Variants in SLC10A7 observed in about 807,000 individuals in gnomAD.
SLC10A7 encodes the protein solute carrier family 10 member 7.
A neutral mutation model predicts 43.2 loss-of-function variants in SLC10A7; 29 were observed. That is an observed-to-expected ratio of 0.67 (90% CI 0.50 to 0.92). The LOEUF (loss-of-function observed/expected upper bound fraction) is 0.92. SLC10A7 is among the 40% of genes least tolerant of loss of function. The pLI is 0.00. For synonymous variants in SLC10A7, 152 were observed against 144.8 expected (o/e 1.05, Z -0.35); for missense variants, 295 against 403.2 (o/e 0.73, Z 2.30).
At chr4:146,314,875 G>A (rs1385788186) in intron 6 of SLC10A7, among the ~76,000 whole-genome samples, 1 of 152,022 alleles carries the variant, frequency 6.6e-6, no homozygotes, top group Non-Finnish European at 1.5e-5. Context: ...CAGAATTTGG[G>A]GGCTTGAGCT....
intron 4 of SLC10A7, among the ~76,000 whole-genome samples, chr4:146,454,601 A>T (rs1731891765): frequency 6.6e-6 from 1 of 151,898 alleles, no homozygotes; most frequent in African/African-American, 2.4e-5. Context: ...AAATGGAATT[A>T]TGAATATTTT....
At chr4:146,329,225 G>C (rs1163613894) in intron 5 of SLC10A7, among the ~76,000 whole-genome samples, 1 of 152,190 alleles carries the variant, frequency 6.6e-6, no homozygotes, top group Non-Finnish European at 1.5e-5. Context: ...AAGAATAGCT[G>C]TTCAGGTTCA....
intron 5 of SLC10A7, among the ~76,000 whole-genome samples, chr4:146,406,003 T>G (rs1437739289): frequency 6.6e-6 from 1 of 152,170 alleles, no homozygotes; most frequent in Admixed American, 6.5e-5. Context: ...CTGTAAAGCA[T>G]TTGCATAGCA....
At chr4:146,492,089 G>A (rs1228383453) in intron 4 of SLC10A7, among the ~76,000 whole-genome samples, 3 of 151,942 alleles carry the variant, frequency 2.0e-5, no homozygotes, top group Non-Finnish European at 2.9e-5. Context: ...GCGTGGTGGC[G>A]GGCGCCTGTA....
intron 4 of SLC10A7, among the ~76,000 whole-genome samples, chr4:146,455,492 T>C (rs149327619): frequency 1.6e-3 from 238 of 152,026 alleles, no homozygotes; most frequent in African/African-American, 5.6e-3. Flanking sequence ...TCTAGCTTTC[T>C]TAACTCTGTT....
At chr4:146,337,786 G>A (rs1360104594) in intron 5 of SLC10A7, among the ~76,000 whole-genome samples, 2 of 151,824 alleles carry the variant, frequency 1.3e-5, no homozygotes, top group Non-Finnish European at 1.5e-5. Context: ...GAGAGATCAG[G>A]AGATGGTCTG....
intron 10 of SLC10A7, among the ~76,000 whole-genome samples, chr4:146,272,730 G>A (rs1340622713): frequency 6.6e-6 from 1 of 152,182 alleles, no homozygotes; most frequent in African/African-American, 2.4e-5. Context: ...GCTCTCCTGG[G>A]TGAGAGTCTT....
chr4:146,356,300 G>A (rs1735625741), intron 5 of SLC10A7, among the ~76,000 whole-genome samples: 1 of 151,980 alleles, frequency 6.6e-6, no homozygotes, highest in Non-Finnish European at 1.5e-5. Context: ...CTATGTGAAA[G>A]GTGTTTTACA....
intron 6 of SLC10A7, among the ~76,000 whole-genome samples, chr4:146,311,664 A>T (rs1425000521): frequency 6.6e-6 from 1 of 152,180 alleles, no homozygotes; most frequent in African/African-American, 2.4e-5. Flanking sequence ...GAAATCAGAA[A>T]GTAGCAGCTT....
chr4:146,474,328 C>A (rs1356714650), intron 4 of SLC10A7, among the ~76,000 whole-genome samples: 2 of 152,034 alleles, frequency 1.3e-5, no homozygotes, highest in Non-Finnish European at 2.9e-5. Context: ...TTTGGGGATT[C>A]CAGGGACTCT....
intron 6 of SLC10A7, among the ~76,000 whole-genome samples, chr4:146,309,139 G>A (rs1193795111): frequency 6.6e-6 from 1 of 152,108 alleles, no homozygotes. Context: ...CCAAGACTCA[G>A]TTCAAACATT....
intron 3 of SLC10A7, among the ~76,000 whole-genome samples, 162 bp downstream of exon 3, chr4:146,509,751 C>T (rs1440277388): frequency 1.3e-5 from 2 of 152,084 alleles, no homozygotes; most frequent in Non-Finnish European, 2.9e-5. Flanking sequence ...TGATGAACCT[C>T]CTTGATGAAA....
Position 146,293,114 on chromosome 4 carries a change from G to A in SLC10A7, c.722-134C>T, listed in dbSNP as rs1320080980. 10 of 549,886 alleles carry A rather than the reference G, an allele frequency of 1.8e-5. No individual in the cohort carries two copies. In the East Asian group the frequency reaches 2.6e-4, roughly 14 times the overall value. 34.1% of individuals were successfully genotyped at this position (549,886 alleles called of 1,614,324 possible). A position where few individuals can be genotyped will look rare whatever the true frequency, so the allele number is the denominator to read the frequency against. ...ACAAACAAATAAACCAAACAAGCAT[G>A]CCTTGCTAAATTGAAAGAATCATTT... On this transcript the variant is annotated intron_variant, in intron 8 of 11. Coordinates refer to ENST00000335472, the MANE Select transcript of SLC10A7 (RefSeq NM_001029998.6).
chr4:146,355,444 C>A (rs1273760478), intron 5 of SLC10A7, among the ~76,000 whole-genome samples: 6 of 152,096 alleles, frequency 3.9e-5, no homozygotes, highest in African/African-American at 1.4e-4. Flanking sequence ...GTTGGTGGGA[C>A]TGTAAACTAG....
intron 10 of SLC10A7, among the ~76,000 whole-genome samples, chr4:146,270,971 G>A (rs1239374626): frequency 1.3e-5 from 2 of 152,192 alleles, no homozygotes; most frequent in Non-Finnish European, 2.9e-5. Context: ...TGTGGGATAG[G>A]AGAAGAATAC....
At chr4:146,389,321 A>AT (rs1195292232) in intron 5 of SLC10A7, among the ~76,000 whole-genome samples, 1 of 151,556 alleles carries the variant, frequency 6.6e-6, no homozygotes, top group African/African-American at 2.4e-5. Context: ...CAAAAATAAA[A>AT]AAAAAAAACA....
intron 9 of SLC10A7, among the ~76,000 whole-genome samples, chr4:146,287,697 G>C (rs1038678548): frequency 2.0e-5 from 3 of 152,184 alleles, no homozygotes; most frequent in African/African-American, 7.2e-5. Context: ...AATGTGATCA[G>C]CTGTCCTAGG....
At chr4:146,378,923 A>G (rs891966250) in intron 5 of SLC10A7, among the ~76,000 whole-genome samples, 1 of 150,204 alleles carries the variant, frequency 6.7e-6, no homozygotes, top group Non-Finnish European at 1.5e-5. Context: ...GCTTCTCACA[A>G]TTGAGTATTA....
Position 146,470,950 on chromosome 4 carries a change from C to T in SLC10A7, c.397-28129G>A, listed in dbSNP as rs115215006. Among the ~76,000 whole-genome samples, 414 of 152,264 alleles carry T rather than the reference C, an allele frequency of 2.7e-3. 2 individuals are homozygous for T. Among genetic ancestry groups the T allele is most frequent in the African/African-American group, 6.2e-3 (256 of 41,556 alleles). On this transcript the variant is annotated intron_variant, in intron 4 of 11. Coordinates refer to ENST00000335472, the MANE Select transcript of SLC10A7 (RefSeq NM_001029998.6). ...ATCACTTCATGCAATAGGTACAATGCTAAGTAAAAAACATGAGATGTATTT... is the reference window on the plus strand; with the variant it reads ...ATCACTTCATGCAATAGGTACAATGTTAAGTAAAAAACATGAGATGTATTT...
Sources: gnomAD v4.1 joint callset for allele counts (sites outside exome capture counted in the v4.1 genomes callset) on GRCh38, gnomAD v4.1.1 for gene constraint, MANE v1.5 for transcripts, NCBI Gene and HGNC (gene_info 2026-07-23, HGNC 2026-07-21) for gene names.